The following SPRY3 variants were observed in gnomAD, a reference collection of about 807,000 sequenced individuals.
SPRY3 encodes sprouty RTK signaling antagonist 3.
In SPRY3, 15 loss-of-function variants were observed where a neutral mutation model predicts 20.2. That is an observed-to-expected ratio of 0.74 (90% CI 0.50 to 1.14). The LOEUF is 1.14. SPRY3 is among the 50% of genes most tolerant of loss of function. The pLI is 0.00. For synonymous variants in SPRY3, 143 were observed against 136.5 expected (o/e 1.05, Z -0.33); for missense variants, 364 against 363.9 (o/e 1.00, Z 0.00).
chrX:155,711,096 C>T (rs775862876), intron 2 of SPRY3, among the ~76,000 whole-genome samples: 4 of 151,866 alleles, frequency 2.6e-5, no homozygotes, highest in African/African-American at 9.6e-5. Context: ...CATCAATATT[C>T]ATCAGGGATG....
At chrX:155,623,227 T>C (rs1390768384) in intron 1 of SPRY3, among the ~76,000 whole-genome samples, 1 of 111,996 alleles carries the variant, frequency 8.9e-6, no homozygotes, top group African/African-American at 3.2e-5. Flanking sequence ...ATATTCAGAT[T>C]ACCTAGGATC....
chrX:155,666,326 A>G (rs2068024416), intron 2 of SPRY3, among the ~76,000 whole-genome samples: 1 of 111,738 alleles, frequency 8.9e-6, no homozygotes, highest in African/African-American at 3.2e-5. Flanking sequence ...AGATCATGCA[A>G]ATATTTAAAC....
chrX:155,617,308 T>C (rs1232385661), intron 1 of SPRY3, among the ~76,000 whole-genome samples: 2 of 110,510 alleles, frequency 1.8e-5, no homozygotes, highest in African/African-American at 6.6e-5. Flanking sequence ...AGCTGACTGA[T>C]TTAAGCAGGA....
chrX:155,774,669 C>A (rs750271338), exon 4 of SPRY3: 1 of 1,613,872 alleles, frequency 6.2e-7, no homozygotes, highest in Admixed American at 1.7e-5. Context: ...AGAGGCACAC[C>A]AACACTGTGT....
intron 2 of SPRY3, among the ~76,000 whole-genome samples, chrX:155,733,393 C>T: frequency 6.7e-6 from 1 of 148,810 alleles, no homozygotes; most frequent in East Asian, 2.0e-4. Context: ...GATATATATA[C>T]ATATACATAT....
chrX:155,761,845 G>C (rs767734168), intron 2 of SPRY3, among the ~76,000 whole-genome samples: 4 of 151,330 alleles, frequency 2.6e-5, no homozygotes, highest in Admixed American at 2.0e-4. Context: ...TTGGCTATAT[G>C]ATTCTTCTTT....
chrX:155,771,178 T>C (rs1279479738), intron 3 of SPRY3, among the ~76,000 whole-genome samples: 5 of 152,144 alleles, frequency 3.3e-5, no homozygotes, highest in African/African-American at 1.2e-4. Context: ...CTTGCAGAAA[T>C]CGAATCAATA....
chrX:155,739,829 A>C (rs2091194008), intron 2 of SPRY3, among the ~76,000 whole-genome samples: 1 of 152,204 alleles, frequency 6.6e-6, no homozygotes, highest in Non-Finnish European at 1.5e-5. Flanking sequence ...CAGCAACCTC[A>C]AAGATTGAAG....
At chrX:155,714,896 C>T (rs2091011318) in intron 2 of SPRY3, among the ~76,000 whole-genome samples, 1 of 152,054 alleles carries the variant, frequency 6.6e-6, no homozygotes, top group Admixed American at 6.6e-5. Flanking sequence ...AGCCCACCAC[C>T]AATGTTTGCG....
At chrX:155,778,840 TGACTTTATACCA>T (rs2091446022), downstream of SPRY3, 1 of 167,096 alleles carries the variant, frequency 6.0e-6, no homozygotes, top group Non-Finnish European at 1.5e-5. Flanking sequence ...AGTGGAATTA[TGACTTTATACCA>T]GAGTTCCTAA....
At chrX:155,661,599 T>G (rs2124552748) in intron 2 of SPRY3, among the ~76,000 whole-genome samples, 1 of 112,188 alleles carries the variant, frequency 8.9e-6, no homozygotes, top group South Asian at 3.7e-4. Context: ...GGCATTTTTT[T>G]TTCTGAATTA....
rs1006672133 is a variant in SPRY3 at position 155,750,459 on chromosome X, A to G, written c.-281-17503A>G. 9.2e-5 allele frequency among the ~76,000 whole-genome samples: 14 copies of G among 151,940 alleles called. 1 individual carries two copies. Among genetic ancestry groups the G allele is most frequent in the South Asian group, 4.2e-4 (2 of 4,818 alleles). ...ATCATTTAAAAAAATGAATTTAAAA[A>G]TATCACCAGAGGACATTGAGATGAA... On this transcript the variant is annotated intron_variant, in intron 2 of 3. Transcript: ENST00000675360.
chrX:155,730,700 T>A (rs774600159), intron 2 of SPRY3, among the ~76,000 whole-genome samples: 1 of 152,112 alleles, frequency 6.6e-6, no homozygotes, highest in East Asian at 1.9e-4. Flanking sequence ...GGCCTCCAAA[T>A]TGGAAAGGAG....
downstream of SPRY3, chrX:155,779,787 T>C (rs1232721359): frequency 1.2e-5 from 2 of 166,952 alleles, no homozygotes; most frequent in African/African-American, 2.4e-5. Context: ...CACAGACACA[T>C]TATAAGAATT....
intron 2 of SPRY3, among the ~76,000 whole-genome samples, chrX:155,704,514 C>T (rs2090935336): frequency 1.3e-5 from 2 of 151,528 alleles, no homozygotes; most frequent in South Asian, 4.2e-4. Flanking sequence ...AGAAAACATT[C>T]AAGAGCTGTG....
At chrX:155,778,850 C>T (rs1049404857), downstream of SPRY3, 1 of 166,878 alleles carries the variant, frequency 6.0e-6, no homozygotes, top group Non-Finnish European at 1.5e-5. Context: ...TGACTTTATA[C>T]CAGAGTTCCT....
At position 155,618,104 on chromosome X, in the gene SPRY3, A is replaced by G. The variant is rs782587923; in HGVS notation, c.-441+5457A>G. Among the ~76,000 whole-genome samples the G allele has an allele frequency of 2.1e-3, 232 of 112,109 alleles. 1 individual carries two copies. Among genetic ancestry groups the G allele is most frequent in the African/African-American group, 7.3e-3 (225 of 30,927 alleles). ...ATTCTATGTGTAACTTTGTATAATGACGACCACAATTAAAATGTAGAACAT... is the reference window on the plus strand; with the variant it reads ...ATTCTATGTGTAACTTTGTATAATGGCGACCACAATTAAAATGTAGAACAT... On this transcript the variant is annotated intron_variant, in intron 1 of 3. Transcript: ENST00000675360.
chrX:155,688,877 G>A (rs2068096011), intron 2 of SPRY3, among the ~76,000 whole-genome samples: 1 of 86,722 alleles, frequency 1.2e-5, no homozygotes, highest in Non-Finnish European at 2.1e-5. Flanking sequence ...CTGTGTCCAT[G>A]TGTTCTCGTT....
chrX:155,636,341 G>A (rs1216702377), intron 1 of SPRY3, among the ~76,000 whole-genome samples: 1 of 112,008 alleles, frequency 8.9e-6, no homozygotes, highest in African/African-American at 3.3e-5. Flanking sequence ...ATGCTGAATA[G>A]TGAAGGTTAA....
Sources: allele counts gnomAD v4.1 joint callset (sites outside exome capture counted in the v4.1 genomes callset), GRCh38; gene constraint gnomAD v4.1.1; transcripts MANE v1.5; gene names NCBI Gene and HGNC (gene_info 2026-07-23, HGNC 2026-07-21).